CDC14A: variants seen among roughly 807,000 people sequenced by gnomAD.
CDC14A encodes the protein cell division cycle 14A, also known as dual specificity protein phosphatase CDC14A.
In CDC14A, 53 loss-of-function variants were observed where a neutral mutation model predicts 74.4. The observed-to-expected ratio is 0.71, with a 90% CI of 0.57 to 0.89. CDC14A has a LOEUF of 0.89. Among genes scored for constraint, CDC14A ranks in the 40% least tolerant of loss-of-function variants. The pLI is 0.00. For missense variants in CDC14A, 646 were observed against 713.7 expected, an observed-to-expected ratio of 0.91 and a Z score of 1.08; for synonymous variants, 247 against 258.4, an observed-to-expected ratio of 0.96 and a Z score of 0.43.
At chr1:100,406,296 T>G (rs1438624471) in intron 4 of CDC14A, among the ~76,000 whole-genome samples, 2 of 152,248 alleles carry the variant, frequency 1.3e-5, no homozygotes, top group African/African-American at 4.8e-5. Flanking sequence ...GTCAGATAGA[T>G]AGATTGCAAA....
intron 11 of CDC14A, among the ~76,000 whole-genome samples, chr1:100,494,240 C>T (rs1486459199): frequency 2.0e-5 from 3 of 152,128 alleles, no homozygotes; most frequent in African/African-American, 7.2e-5. Context: ...AAGAGACTAG[C>T]ATGGTACTTC....
chr1:100,509,586 A>G (rs1400258044), intron 15 of CDC14A, among the ~76,000 whole-genome samples: 1 of 152,180 alleles, frequency 6.6e-6, no homozygotes, highest in African/African-American at 2.4e-5. Flanking sequence ...AGAAAGGCAT[A>G]TTTTTATTGC....
At chr1:100,419,599 A>G (rs564979897) in intron 4 of CDC14A, among the ~76,000 whole-genome samples, 1 of 152,358 alleles carries the variant, frequency 6.6e-6, no homozygotes, top group African/African-American at 2.4e-5. Context: ...CACAGTTAGT[A>G]TTCTGTGTAT....
At chr1:100,392,288 T>A (rs1334609821) in intron 4 of CDC14A, among the ~76,000 whole-genome samples, 1 of 152,192 alleles carries the variant, frequency 6.6e-6, no homozygotes, top group Non-Finnish European at 1.5e-5. Context: ...ATTGACACTG[T>A]GATTGAAATA....
intron 10 of CDC14A, among the ~76,000 whole-genome samples, chr1:100,479,495 A>G (rs374373692): frequency 1.3e-3 from 204 of 152,224 alleles, no homozygotes; most frequent in African/African-American, 4.7e-3. Flanking sequence ...TACCTGTACC[A>G]TTTCCTTTTA....
intron 3 of CDC14A, among the ~76,000 whole-genome samples, chr1:100,390,401 A>G (rs1428357300): frequency 6.6e-6 from 1 of 152,200 alleles, no homozygotes; most frequent in Admixed American, 6.5e-5. Flanking sequence ...ACAAAGTGTG[A>G]AGAGACTTTC....
At chr1:100,425,587 G>C (rs1482432806) in intron 5 of CDC14A, among the ~76,000 whole-genome samples, 1 of 152,138 alleles carries the variant, frequency 6.6e-6, no homozygotes, top group Non-Finnish European at 1.5e-5. Flanking sequence ...AACACCTATT[G>C]TGCTTAATTA....
intron 4 of CDC14A, among the ~76,000 whole-genome samples, chr1:100,391,728 A>G (rs1243332651): frequency 6.6e-6 from 1 of 152,200 alleles, no homozygotes; most frequent in East Asian, 1.9e-4. Flanking sequence ...ACTCTGCCCC[A>G]TCAACCCAAA....
At chr1:100,394,798 T>C (rs551123651) in intron 4 of CDC14A, among the ~76,000 whole-genome samples, 4 of 152,376 alleles carry the variant, frequency 2.6e-5, no homozygotes, top group South Asian at 2.1e-4. Flanking sequence ...AACTAAAAAT[T>C]GGCAGTGGAT....
Position 100,469,824 on chromosome 1 carries a change from A to G in CDC14A, c.977+1730A>G, listed in dbSNP as rs187874373. Among the ~76,000 whole-genome samples the G allele has an allele frequency of 2.0e-5, 3 of 152,012 alleles. No individual in the cohort carries two copies. In the East Asian group the frequency reaches 5.8e-4, roughly 29 times the overall value. Reference sequence around the variant, plus strand: ...CAGCCCTCATGTTTCATGGCTGCATACTCCCTCCAACCTCCCTATTATACT... The same window carrying G: ...CAGCCCTCATGTTTCATGGCTGCATGCTCCCTCCAACCTCCCTATTATACT... On this transcript the variant is annotated intron_variant, in intron 10 of 15. Coordinates refer to ENST00000336454, the MANE Select transcript of CDC14A (RefSeq NM_003672.4).
intron 10 of CDC14A, among the ~76,000 whole-genome samples, chr1:100,481,536 C>G (rs766496603): frequency 3.3e-5 from 5 of 152,134 alleles, no homozygotes; most frequent in South Asian, 4.1e-4. Flanking sequence ...TGTGAAGGCT[C>G]TAGATCAGAA....
At chr1:100,404,190 C>CAA (rs34245613) in intron 4 of CDC14A, among the ~76,000 whole-genome samples, 27 of 133,668 alleles carry the variant, frequency 2.0e-4, no homozygotes, top group African/African-American at 3.5e-4. Context: ...GACTCCGTCT[C>CAA]AAAAAAAAAA....
intron 4 of CDC14A, among the ~76,000 whole-genome samples, chr1:100,410,739 T>C (rs1349748286): frequency 6.6e-6 from 1 of 152,242 alleles, no homozygotes; most frequent in African/African-American, 2.4e-5. Flanking sequence ...TCTGAATTAA[T>C]AGAGGAAATT....
intron 4 of CDC14A, among the ~76,000 whole-genome samples, chr1:100,403,345 A>G (rs751401308): frequency 4.6e-5 from 7 of 152,224 alleles, no homozygotes; most frequent in Non-Finnish European, 8.8e-5. Context: ...TTCACTGCTC[A>G]CTAATGGGTT....
chr1:100,472,528 C>T (rs1053310730), intron 10 of CDC14A, among the ~76,000 whole-genome samples: 2 of 152,092 alleles, frequency 1.3e-5, no homozygotes, highest in South Asian at 4.2e-4. Flanking sequence ...CAGTCTATAA[C>T]TTGTCTTTTC....
intron 2 of CDC14A, among the ~76,000 whole-genome samples, chr1:100,370,828 T>C (rs1185278854): frequency 2.0e-5 from 3 of 152,206 alleles, no homozygotes; most frequent in Non-Finnish European, 4.4e-5. Flanking sequence ...AATAGTTTTT[T>C]TTCTAATTCT....
At chr1:100,407,163 A>T (rs998679878) in intron 4 of CDC14A, among the ~76,000 whole-genome samples, 1 of 152,010 alleles carries the variant, frequency 6.6e-6, no homozygotes, top group Non-Finnish European at 1.5e-5. Context: ...TCTGCTTAGG[A>T]TCATCTTGGC....
At chr1:100,431,259 GC>G (rs544778115) in intron 5 of CDC14A, among the ~76,000 whole-genome samples, 114 of 151,508 alleles carry the variant, frequency 7.5e-4, no homozygotes, top group Admixed American at 1.3e-3. Context: ...ACAAGAAGGT[GC>G]TTTGGTGATT....
chr1:100,352,545 G>A lies in CDC14A; in HGVS notation c.-410G>A. The A allele has an allele frequency of 9.6e-7, 1 of 1,040,658 alleles. No homozygotes were observed. The highest frequency in any genetic ancestry group is 1.2e-6 in the Non-Finnish European group (1 of 865,802). 64.5% of individuals were successfully genotyped at this position (1,040,658 alleles called of 1,614,324 possible). ...GCCCGCGGGCACTGAAGTCCTCCCGGCTGCCGCTCGAGTAGCCACGGGCGC... is the reference window on the plus strand; with the variant it reads ...GCCCGCGGGCACTGAAGTCCTCCCGACTGCCGCTCGAGTAGCCACGGGCGC... On this transcript the variant is annotated 5_prime_UTR_variant, in exon 1 of 16. Coordinates refer to ENST00000336454, the MANE Select transcript of CDC14A (RefSeq NM_003672.4).
Sources: gnomAD v4.1 joint callset for allele counts (sites outside exome capture counted in the v4.1 genomes callset) on GRCh38, gnomAD v4.1.1 for gene constraint, MANE v1.5 for transcripts, NCBI Gene and HGNC (gene_info 2026-07-23, HGNC 2026-07-21) for gene names.